The following TECTB variants were observed in gnomAD, a reference collection of about 807,000 sequenced individuals.
The protein encoded by TECTB is beta-tectorin.
Under a neutral mutation model 43.3 loss-of-function variants are expected in TECTB, and 45 were observed. The observed-to-expected ratio is 1.04, with a 90% CI of 0.82 to 1.33. The LOEUF is 1.33. Ranked by LOEUF, TECTB falls within the 40% of genes most tolerant of loss-of-function variation. The pLI, the probability that TECTB is intolerant of heterozygous loss-of-function variation, is 0.00. For missense variants in TECTB, 399 were observed against 404.7 expected (o/e 0.99, Z 0.12); for synonymous variants, 169 against 156.7 (o/e 1.08, Z -0.59).
chr10:112,302,095 C>T lies in TECTB; in HGVS notation c.908-6C>T. ...ACTTTCTGCATTCTCTCTTTACTCA[C>T]TACAGGCAGGGGATTTTCCAGTCTC... is the stretch of plus-strand genomic sequence containing the variant. On this transcript the variant is annotated splice_polypyrimidine_tract_variant and splice_region_variant and intron_variant, in intron 9 of 10. Coordinates refer to ENST00000646139, the MANE Select transcript of TECTB (RefSeq NM_058222.3). The T allele has an allele frequency of 6.2e-7, 1 of 1,614,018 alleles. No homozygotes were observed. The highest frequency in any genetic ancestry group is 8.5e-7 in the Non-Finnish European group (1 of 1,179,922).
At chr10:112,295,963 A>T (rs1848543106) in intron 7 of TECTB, among the ~76,000 whole-genome samples, 1 of 152,208 alleles carries the variant, frequency 6.6e-6, no homozygotes, top group Non-Finnish European at 1.5e-5. Context: ...CCAGATCAGA[A>T]GGACTCTGGG....
chr10:112,288,193 A>G (rs1367645305), intron 5 of TECTB, among the ~76,000 whole-genome samples: 1 of 152,216 alleles, frequency 6.6e-6, no homozygotes, highest in East Asian at 1.9e-4. Context: ...AATTATAGAT[A>G]TGATCCCATG....
intron 5 of TECTB, among the ~76,000 whole-genome samples, chr10:112,288,183 A>T (rs192477902): frequency 5.2e-4 from 79 of 152,296 alleles, no homozygotes; most frequent in Non-Finnish European, 9.0e-4. Context: ...AACCAGATAA[A>T]ATTATAGATA....
chr10:112,291,155 C>G (rs530938491), intron 5 of TECTB, among the ~76,000 whole-genome samples: 2 of 152,168 alleles, frequency 1.3e-5, no homozygotes, highest in African/African-American at 2.4e-5. Flanking sequence ...CTCCCTCCCC[C>G]ACCCCACCCA....
rs190551627 is a variant in TECTB at position 112,301,774 on chromosome 10, G to A, written c.908-327G>A. Among the ~76,000 whole-genome samples the A allele has an allele frequency of 2.3e-4, 35 of 152,102 alleles. 1 individual carries two copies. Among genetic ancestry groups the A allele is most frequent in the East Asian group, 9.7e-4 (5 of 5,172 alleles). On this transcript the variant is annotated intron_variant, in intron 9 of 10. Transcript: ENST00000646139. ...ATATTTATTTTTTTGAGACCGTGTCGCCCAGGTTGGAGTGCAATGACGTGA... is the reference window on the plus strand; with the variant it reads ...ATATTTATTTTTTTGAGACCGTGTCACCCAGGTTGGAGTGCAATGACGTGA...
intron 7 of TECTB, among the ~76,000 whole-genome samples, chr10:112,296,545 G>A (rs1380176193): frequency 6.6e-5 from 10 of 152,184 alleles, no homozygotes; most frequent in African/African-American, 2.2e-4. Flanking sequence ...GAGTTCATAC[G>A]AGGATCTCGT....
At chr10:112,298,958 T>A (rs919648224) in intron 8 of TECTB, among the ~76,000 whole-genome samples, 2 of 152,320 alleles carry the variant, frequency 1.3e-5, no homozygotes, top group East Asian at 3.9e-4. Flanking sequence ...TCATAATCTC[T>A]ATTGCTGTTG....
At chr10:112,294,539 T>C (rs1235466841) in intron 7 of TECTB, among the ~76,000 whole-genome samples, 1 of 152,182 alleles carries the variant, frequency 6.6e-6, no homozygotes, top group Non-Finnish European at 1.5e-5. Flanking sequence ...TGCTAGATAG[T>C]CCAACCATTT....
chr10:112,285,077 GAGACT>G (rs1848443021), intron 3 of TECTB, among the ~76,000 whole-genome samples: 1 of 152,196 alleles, frequency 6.6e-6, no homozygotes, highest in Admixed American at 6.5e-5. Flanking sequence ...TTCTCTGCCT[GAGACT>G]TCAAAGTGGT....
intron 5 of TECTB, among the ~76,000 whole-genome samples, chr10:112,291,987 T>G (rs1440931381): frequency 6.6e-6 from 1 of 151,954 alleles, no homozygotes; most frequent in Non-Finnish European, 1.5e-5. Context: ...ATACAAAAAA[T>G]TAGCCGGGCG....
chr10:112,293,869 G>C, intron 6 of TECTB, 28 bp downstream of exon 6: 1 of 1,610,042 alleles, frequency 6.2e-7, no homozygotes, highest in South Asian at 1.1e-5. Context: ...AAGTTTATAT[G>C]TTTAAATGCA....
intron 5 of TECTB, among the ~76,000 whole-genome samples, chr10:112,290,182 C>T (rs1486634403): frequency 6.6e-6 from 1 of 152,176 alleles, no homozygotes; most frequent in Non-Finnish European, 1.5e-5. Context: ...TCCCCTTGTC[C>T]AGAATATCCA....
intron 10 of TECTB, 106 bp from the exon 11 acceptor site, chr10:112,303,157 A>C (rs1448607925): frequency 7.3e-7 from 1 of 1,361,348 alleles, no homozygotes; most frequent in African/African-American, 1.4e-5. Flanking sequence ...TTTGTCTAAA[A>C]TGTGTGGAAT....
At chr10:112,296,946 C>T (rs1405855603) in intron 7 of TECTB, among the ~76,000 whole-genome samples, 2 of 152,162 alleles carry the variant, frequency 1.3e-5, no homozygotes, top group Non-Finnish European at 2.9e-5. Flanking sequence ...CCTTTTCCTG[C>T]AGAGCGACAG....
Position 112,293,861 on chromosome 10 carries a change from G to A in TECTB, c.587+20G>A, listed in dbSNP as rs774600515. 2 of 1,611,542 alleles carry A rather than the reference G, an allele frequency of 1.2e-6. No homozygotes were observed. Among genetic ancestry groups the A allele is most frequent in the South Asian group, 2.2e-5 (2 of 91,012 alleles). On this transcript the variant is annotated intron_variant, in intron 6 of 10. Transcript: ENST00000646139. ...CATTAGGTAAGTACATTTCCTCCAA[G>A]TTTATATGTTTAAATGCAAAGAAAA...
Position 112,286,343 on chromosome 10 carries a change from C to T in TECTB, c.435C>T (p.Asn145=), listed in dbSNP as rs748907821. 13 of 1,611,834 alleles carry T rather than the reference C, an allele frequency of 8.1e-6. No individual in the cohort carries two copies. The South Asian group carries it at 1.1e-4, about 14-fold the overall frequency. ...GAGTGGCCACTGTTCACGTGAAGAA[C>T]GGGAGCATGGGCACATTTGAGAGCC... ...DQRVATVHVK[N]GSMGTFESQL... is the part of the protein sequence containing the mutation. The change falls in exon 5 of 11, where the codon AAC becomes AAT. Residue 145 remains asparagine, a synonymous_variant. Coordinates refer to ENST00000646139, the MANE Select transcript of TECTB (RefSeq NM_058222.3).
Position 112,284,546 on chromosome 10 carries a change from G to A in TECTB, c.88G>A (p.Val30Met). 2.5e-6 allele frequency: 4 copies of A among 1,606,880 alleles called. No homozygotes were observed. The highest frequency in any genetic ancestry group is 3.4e-6 in the Non-Finnish European group (4 of 1,176,112). The part of the protein sequence containing the change: ...CAPNKADVIL[V>M]FCYPKTIITK... The stretch of plus-strand genomic sequence containing the variant: ...TGTGCTCTTTCCAGATGTCATTCTT[G>A]TGTTTTGCTATCCCAAAACCATCAT... Residue 30 changes from valine (V) to methionine (M), a missense_variant, in exon 3 of 11, where the codon GTG (valine) becomes ATG (methionine). Coordinates refer to ENST00000646139, the MANE Select transcript of TECTB (RefSeq NM_058222.3).
At position 112,286,382 on chromosome 10, in the gene TECTB, C is replaced by A. The variant is rs773849812; in HGVS notation, c.474C>A (p.Asn158Lys). ...CATTTGAGAGCCAACTGTCTCTCAA[C>A]TTCTACACTGTAAGTGGTCTCCAGG... ...MGTFESQLSL[N>K]FYTNAKFSIK... Residue 158 changes from asparagine (N) to lysine (K), a missense_variant, in exon 5 of 11, where the codon AAC (asparagine) becomes AAA (lysine). Asn to Lys is a moderately conservative substitution (Grantham distance 94). Coordinates refer to ENST00000646139, the MANE Select transcript of TECTB (RefSeq NM_058222.3). 13 of 1,606,932 alleles carry A rather than the reference C, an allele frequency of 8.1e-6. No individual in the cohort carries two copies. In the East Asian group the frequency reaches 2.2e-4, roughly 28 times the overall value.
At chr10:112,298,266 T>C in intron 8 of TECTB, 35 bp downstream of exon 8, 1 of 1,593,376 alleles carries the variant, frequency 6.3e-7, no homozygotes, top group Non-Finnish European at 8.6e-7. Flanking sequence ...CAATGTTACC[T>C]AAAGGGTGCC....
Sources: gnomAD v4.1 joint callset for allele counts (sites outside exome capture counted in the v4.1 genomes callset) on GRCh38, gnomAD v4.1.1 for gene constraint, MANE v1.5 for transcripts, NCBI Gene and HGNC (gene_info 2026-07-23, HGNC 2026-07-21) for gene names.